The following KCNMB2 variants were observed in gnomAD, a reference collection of about 807,000 sequenced individuals.
The protein encoded by KCNMB2 is calcium-activated potassium channel subunit beta-2.
Under a neutral mutation model 24.5 loss-of-function variants are expected in KCNMB2, and 9 were observed. The observed-to-expected ratio is 0.37, with a 90% CI of 0.22 to 0.64. The LOEUF is 0.64. KCNMB2 is among the 30% of genes least tolerant of loss of function. The pLI is 0.63. For missense variants in KCNMB2, 226 were observed against 284.3 expected (o/e 0.79, Z 1.47); for synonymous variants, 109 against 104.4 (o/e 1.04, Z -0.27).
At chr3:178,638,789 G>T (rs1309694851) in intron 1 of KCNMB2, among the ~76,000 whole-genome samples, 1 of 152,192 alleles carries the variant, frequency 6.6e-6, no homozygotes, top group East Asian at 1.9e-4. Context: ...GGGTTGTTTA[G>T]ATGGGCTGTT....
chr3:178,757,937 A>ATC (rs1279418632), intron 1 of KCNMB2, among the ~76,000 whole-genome samples: 1,540 of 106,660 alleles, frequency 0.014, 304 homozygotes, highest in African/African-American at 0.027. Context: ...ATATATATAC[A>ATC]CAAGGGGATA....
At chr3:178,633,615 C>G (rs1719407933) in intron 1 of KCNMB2, among the ~76,000 whole-genome samples, 1 of 152,174 alleles carries the variant, frequency 6.6e-6, no homozygotes, top group Non-Finnish European at 1.5e-5. Flanking sequence ...TGTACCTGCC[C>G]CAGGAAACCA....
At chr3:178,680,954 T>G (rs1721251011) in intron 1 of KCNMB2, among the ~76,000 whole-genome samples, 1 of 152,162 alleles carries the variant, frequency 6.6e-6, no homozygotes, top group Non-Finnish European at 1.5e-5. Context: ...AGGATAGGAT[T>G]GGGGCCAATC....
chr3:178,816,717 C>T (rs1714415872), intron 2 of KCNMB2, among the ~76,000 whole-genome samples: 1 of 152,024 alleles, frequency 6.6e-6, no homozygotes, highest in South Asian at 2.1e-4. Flanking sequence ...TTTTGCTGGA[C>T]TTTATTCTAT....
chr3:178,590,379 A>G (rs562538863), intron 1 of KCNMB2, among the ~76,000 whole-genome samples: 2 of 152,220 alleles, frequency 1.3e-5, no homozygotes, highest in East Asian at 1.9e-4. Context: ...GATTTAGAGG[A>G]AAAAAAAGAG....
chr3:178,759,153 TCTATCTCCAAGAGGGATAC>T, intron 1 of KCNMB2, among the ~76,000 whole-genome samples: 16 of 69,968 alleles, frequency 2.3e-4, no homozygotes, highest in South Asian at 4.7e-4. Flanking sequence ...TATATATATA[TCTATCTCCAAGAGGGATAC>T]ATATATATAT....
intron 1 of KCNMB2, among the ~76,000 whole-genome samples, chr3:178,708,131 G>A (rs963657818): frequency 6.6e-6 from 1 of 152,096 alleles, no homozygotes; most frequent in Non-Finnish European, 1.5e-5. Context: ...TCTGCCTTAG[G>A]AGGATAATAC....
At chr3:178,745,067 A>G (rs1723619934) in intron 1 of KCNMB2, among the ~76,000 whole-genome samples, 2 of 152,236 alleles carry the variant, frequency 1.3e-5, no homozygotes, top group African/African-American at 4.8e-5. Flanking sequence ...ATCCTCATAA[A>G]GTTGTTGAAA....
chr3:178,563,788 G>A (rs1175380672), intron 1 of KCNMB2, among the ~76,000 whole-genome samples: 5 of 152,170 alleles, frequency 3.3e-5, no homozygotes, highest in Admixed American at 1.3e-4. Context: ...GAGCATAGGC[G>A]TAGTGATGAG....
intron 1 of KCNMB2, among the ~76,000 whole-genome samples, chr3:178,571,291 C>A (rs1362211300): frequency 6.6e-6 from 1 of 150,798 alleles, no homozygotes; most frequent in Non-Finnish European, 1.5e-5. Flanking sequence ...TGTTCTTTTA[C>A]CACAAGTGAC....
chr3:178,610,134 T>C (rs1399815418), intron 1 of KCNMB2, among the ~76,000 whole-genome samples: 1 of 152,252 alleles, frequency 6.6e-6, no homozygotes, highest in Non-Finnish European at 1.5e-5. Context: ...CATTGGTCTA[T>C]GTGTCTGTTT....
intron 1 of KCNMB2, among the ~76,000 whole-genome samples, chr3:178,591,365 G>A (rs9846126): frequency 0.032 from 4,823 of 152,032 alleles, 244 homozygotes; most frequent in African/African-American, 0.11. Context: ...TCCCTTCTTC[G>A]GGGCTCATTC....
intron 1 of KCNMB2, among the ~76,000 whole-genome samples, chr3:178,581,273 T>G (rs2108489536): frequency 6.6e-6 from 1 of 152,310 alleles, no homozygotes; most frequent in East Asian, 1.9e-4. Context: ...GGGAAAAGAT[T>G]CCCTATTTAA....
intron 1 of KCNMB2, among the ~76,000 whole-genome samples, chr3:178,793,927 C>T (rs1249676335): frequency 1.3e-5 from 2 of 152,100 alleles, no homozygotes; most frequent in Non-Finnish European, 2.9e-5. Context: ...GACAAACAAA[C>T]AAGCAGAGAC....
At chr3:178,626,608 G>A (rs1719127064) in intron 1 of KCNMB2, among the ~76,000 whole-genome samples, 2 of 152,114 alleles carry the variant, frequency 1.3e-5, no homozygotes, top group Admixed American at 1.3e-4. Context: ...ATGCAGTGAA[G>A]TGGGAAGAGC....
At chr3:178,809,529 T>C (rs1279022891) in intron 2 of KCNMB2, among the ~76,000 whole-genome samples, 1 of 152,178 alleles carries the variant, frequency 6.6e-6, no homozygotes, top group Non-Finnish European at 1.5e-5. Flanking sequence ...TAGCCAGTGA[T>C]GGAATCAGGA....
At chr3:178,598,120 C>T (rs2199568) in intron 1 of KCNMB2, among the ~76,000 whole-genome samples, 1 of 151,938 alleles carries the variant, frequency 6.6e-6, no homozygotes, top group Admixed American at 6.6e-5. Context: ...TCAAAACTTG[C>T]GACATAAGCT....
intron 2 of KCNMB2, among the ~76,000 whole-genome samples, chr3:178,816,527 C>T (rs1043086001): frequency 6.6e-6 from 1 of 151,900 alleles, no homozygotes; most frequent in Non-Finnish European, 1.5e-5. Flanking sequence ...TTAGTATATT[C>T]TGTTAATCTT....
At chr3:178,586,672 G>A (rs1333215561) in intron 1 of KCNMB2, among the ~76,000 whole-genome samples, 1 of 150,496 alleles carries the variant, frequency 6.6e-6, no homozygotes, top group African/African-American at 2.5e-5. Context: ...AGCCTCCTGA[G>A]TAGTTGGGAT....
Sources: allele counts gnomAD v4.1 joint callset (sites outside exome capture counted in the v4.1 genomes callset), GRCh38; gene constraint gnomAD v4.1.1; transcripts MANE v1.5; gene names NCBI Gene and HGNC (gene_info 2026-07-23, HGNC 2026-07-21).